NREP: variants seen among roughly 807,000 people sequenced by gnomAD.
The protein encoded by NREP is neuronal regeneration related protein, also known as neuronal regeneration-related protein.
Under a neutral mutation model 8.6 loss-of-function variants are expected in NREP, and 5 were observed. That is an observed-to-expected ratio of 0.58 (90% CI 0.30 to 1.22). The LOEUF is 1.22. Among genes scored for constraint, NREP ranks in the 50% most tolerant of loss-of-function variants. The pLI is 0.07. For synonymous variants in NREP, 27 were observed against 28.0 expected (o/e 0.96, Z 0.11); for missense variants, 86 against 82.5 (o/e 1.04, Z -0.17).
At chr5:111,901,899 C>T (rs1041155135) in intron 2 of NREP, among the ~76,000 whole-genome samples, 2 of 152,092 alleles carry the variant, frequency 1.3e-5, no homozygotes, top group Non-Finnish European at 1.5e-5. Context: ...AGATTCAATG[C>T]AATTCCCATC....
chr5:111,780,142 A>T (rs889123898), intron 2 of NREP, among the ~76,000 whole-genome samples: 2 of 152,164 alleles, frequency 1.3e-5, no homozygotes, highest in African/African-American at 4.8e-5. Flanking sequence ...AATTTATTTA[A>T]TTGGAGGAAT....
intron 2 of NREP, among the ~76,000 whole-genome samples, chr5:111,966,002 C>T (rs1274333967): frequency 6.6e-6 from 1 of 152,190 alleles, no homozygotes; most frequent in Non-Finnish European, 1.5e-5. Context: ...AATGGCCTCC[C>T]TCTAAGATCC....
At chr5:111,782,934 T>C (rs1581114266) in intron 2 of NREP, among the ~76,000 whole-genome samples, 1 of 152,206 alleles carries the variant, frequency 6.6e-6, no homozygotes, top group Non-Finnish European at 1.5e-5. Context: ...GGTTTCGCTA[T>C]GTTGGCCAGG....
intron 2 of NREP, among the ~76,000 whole-genome samples, chr5:111,970,662 C>T (rs1756787138): frequency 6.6e-6 from 1 of 151,840 alleles, no homozygotes; most frequent in African/African-American, 2.4e-5. Flanking sequence ...CCCGCCTCCA[C>T]TAAAAACACA....
intron 2 of NREP, among the ~76,000 whole-genome samples, chr5:111,967,057 T>G (rs1416145512): frequency 6.6e-6 from 1 of 152,216 alleles, no homozygotes; most frequent in Non-Finnish European, 1.5e-5. Flanking sequence ...AATGCCCATT[T>G]GGGGTACTTT....
In NREP at chr5:111,816,927, T is replaced by C. The variant is rs575458358; in HGVS notation, c.136-81420A>G. On this transcript the variant is annotated intron_variant, in intron 2 of 3. Coordinates refer to the NREP transcript ENST00000395634. The stretch of plus-strand genomic sequence containing the variant: ...ATTGTAAAAACGCTAGCTGAAATAA[T>C]GTTGAAGTAACTATACTAATAAGAA... Among the ~76,000 whole-genome samples, 144 of 152,112 alleles carry C rather than the reference T, an allele frequency of 9.5e-4. 1 individual carries two copies. The highest frequency in any genetic ancestry group is 3.4e-3 in the African/African-American group (142 of 41,574).
intron 2 of NREP, among the ~76,000 whole-genome samples, chr5:111,964,630 A>G (rs1756580756): frequency 6.6e-6 from 1 of 152,120 alleles, no homozygotes; most frequent in South Asian, 2.1e-4. Flanking sequence ...TCAGCCTCCC[A>G]AAGTCCTGGG....
At chr5:111,915,770 G>C (rs539666048) in intron 2 of NREP, among the ~76,000 whole-genome samples, 3 of 152,072 alleles carry the variant, frequency 2.0e-5, no homozygotes, top group Admixed American at 6.6e-5. Context: ...CATTTTCACT[G>C]TTTTCTGTTA....
intron 2 of NREP, among the ~76,000 whole-genome samples, chr5:111,970,551 C>T (rs910142453): frequency 1.3e-5 from 2 of 152,034 alleles, no homozygotes; most frequent in Admixed American, 6.6e-5. Context: ...CTGGGTCGGG[C>T]GTGGTGGCTT....
At chr5:111,816,168 A>T (rs546764267) in intron 2 of NREP, among the ~76,000 whole-genome samples, 5 of 152,318 alleles carry the variant, frequency 3.3e-5, no homozygotes, top group Admixed American at 2.6e-4. Flanking sequence ...TATTTCCAAA[A>T]AAAAGTTTTT....
intron 2 of NREP, among the ~76,000 whole-genome samples, chr5:111,882,763 G>C (rs1244984490): frequency 6.6e-6 from 1 of 152,094 alleles, no homozygotes; most frequent in Non-Finnish European, 1.5e-5. Flanking sequence ...ATACTTTACA[G>C]ACAAGCAAAT....
intron 2 of NREP, among the ~76,000 whole-genome samples, chr5:111,778,595 CCATTA>C (rs1214220251): frequency 2.0e-5 from 3 of 152,156 alleles, no homozygotes; most frequent in African/African-American, 4.8e-5. Flanking sequence ...TTCCCACACT[CCATTA>C]CATTTCTTAA....
At chr5:111,925,311 C>T (rs2112587773) in intron 2 of NREP, among the ~76,000 whole-genome samples, 1 of 152,238 alleles carries the variant, frequency 6.6e-6, no homozygotes, top group East Asian at 1.9e-4. Flanking sequence ...GTTGTCCTTG[C>T]CACAGGCTGG....
chr5:111,839,501 G>A (rs4643999), intron 2 of NREP, among the ~76,000 whole-genome samples: 152,161 of 152,222 alleles, frequency 1, 76,050 homozygotes, highest in Non-Finnish European at 1. Flanking sequence ...GTCCTGGTCA[G>A]GTTACAGTAT....
intron 2 of NREP, among the ~76,000 whole-genome samples, chr5:111,876,334 A>C (rs1753908724): frequency 6.6e-6 from 1 of 152,190 alleles, no homozygotes; most frequent in Admixed American, 6.5e-5. Context: ...TATCCGCCTA[A>C]ATAATTTCCT....
chr5:111,800,448 T>C (rs1751978513), intron 2 of NREP, among the ~76,000 whole-genome samples: 1 of 152,238 alleles, frequency 6.6e-6, no homozygotes, highest in Admixed American at 6.5e-5. Context: ...TTTAATGCTC[T>C]GCTGTTGCTT....
intron 2 of NREP, among the ~76,000 whole-genome samples, chr5:111,744,391 G>C (rs1372419141): frequency 6.6e-6 from 1 of 151,362 alleles, no homozygotes; most frequent in East Asian, 1.9e-4. Context: ...TAAATCACAG[G>C]GTACAGAATT....
At chr5:111,926,580 G>A (rs935412622) in intron 2 of NREP, among the ~76,000 whole-genome samples, 1 of 152,052 alleles carries the variant, frequency 6.6e-6, no homozygotes, top group African/African-American at 2.4e-5. Flanking sequence ...AAGCTGGTAA[G>A]GCCGCCCCCT....
rs558364694 is a variant in NREP at position 111,857,681 on chromosome 5, A to G, written c.135+117593T>C. On this transcript the variant is annotated intron_variant, in intron 2 of 3. Transcript: ENST00000395634. The stretch of plus-strand genomic sequence containing the variant: ...TCTTTTCACCACTCTCTGGAATAGA[A>G]GCTCCACAAGTAGATGGCTTTTTGT... Among the ~76,000 whole-genome samples the G allele has an allele frequency of 3.3e-5, 5 of 152,292 alleles. No individual in the cohort carries two copies. The South Asian group carries it at 8.3e-4, about 25-fold the overall frequency.
Sources: gnomAD v4.1 joint callset for allele counts (sites outside exome capture counted in the v4.1 genomes callset) on GRCh38, gnomAD v4.1.1 for gene constraint, MANE v1.5 for transcripts, NCBI Gene and HGNC (gene_info 2026-07-23, HGNC 2026-07-21) for gene names.